The following WASF1 variants were observed in gnomAD, a reference collection of about 807,000 sequenced individuals.
WASF1 encodes actin-binding protein WASF1.
In WASF1, 7 loss-of-function variants were observed where a neutral mutation model predicts 50.5. That is an observed-to-expected ratio of 0.14 (90% CI 0.08 to 0.26). The LOEUF is 0.26. WASF1 is among the 10% of genes least tolerant of loss of function. The pLI, the probability that WASF1 is intolerant of heterozygous loss-of-function variation, is 1.00. For synonymous variants in WASF1, 205 were observed against 244.0 expected, an observed-to-expected ratio of 0.84 and a Z score of 1.49; for missense variants, 470 against 694.7, an observed-to-expected ratio of 0.68 and a Z score of 3.64.
intron 3 of WASF1, among the ~76,000 whole-genome samples, chr6:110,155,616 A>G (rs1321580330): frequency 4.0e-5 from 3 of 75,002 alleles, no homozygotes; most frequent in Non-Finnish European, 7.0e-5. Context: ...GGTTAGTTAC[A>G]TATGTATACA....
At chr6:110,152,125 T>C (rs1043869484) in intron 3 of WASF1, among the ~76,000 whole-genome samples, 1 of 152,090 alleles carries the variant, frequency 6.6e-6, no homozygotes, top group African/African-American at 2.4e-5. Context: ...GACCTTAAAA[T>C]TGGGAGATTA....
At chr6:110,137,909 A>G (rs1302951868) in intron 3 of WASF1, among the ~76,000 whole-genome samples, 1 of 152,258 alleles carries the variant, frequency 6.6e-6, no homozygotes, top group East Asian at 1.9e-4. Flanking sequence ...CTATGTAAGT[A>G]TCACAGGGTC....
At chr6:110,121,118 T>C (rs180918246) in intron 4 of WASF1, among the ~76,000 whole-genome samples, 1 of 152,296 alleles carries the variant, frequency 6.6e-6, no homozygotes, top group East Asian at 1.9e-4. Flanking sequence ...ATTCAGGACA[T>C]AGGCATGGGC....
At chr6:110,179,246 G>T (rs1343741364) in intron 1 of WASF1, among the ~76,000 whole-genome samples, 193 bp downstream of exon 1, 2 of 152,106 alleles carry the variant, frequency 1.3e-5, no homozygotes, top group Non-Finnish European at 2.9e-5. Context: ...ACCCAGCCCC[G>T]CTGGCGGGTG....
rs1218765087 is a variant in WASF1 at position 110,179,140 on chromosome 6, C to G, written c.-272+299G>C. Reference sequence around the variant, plus strand: ...GTGGGCAGGGAAGCCCGGGCGGTGGCACCTCAGGTGACACCCACAGTCTCT... The same window carrying G: ...GTGGGCAGGGAAGCCCGGGCGGTGGGACCTCAGGTGACACCCACAGTCTCT... On this transcript the variant is annotated intron_variant, in intron 1 of 10. Transcript: ENST00000392589. Among the ~76,000 whole-genome samples, 3 of 152,188 alleles carry G rather than the reference C, an allele frequency of 2.0e-5. No individual in the cohort carries two copies. In the South Asian group the frequency reaches 6.2e-4, roughly 31 times the overall value.
At position 110,173,162 on chromosome 6, in the gene WASF1, G is replaced by A. The variant is rs536274571; in HGVS notation, c.-127+5436C>T. On this transcript the variant is annotated intron_variant, in intron 2 of 10. Coordinates refer to ENST00000392589, the MANE Select transcript of WASF1 (RefSeq NM_003931.3). Reference sequence around the variant, plus strand: ...AACACACTTGACTTTTTTGGTAAAGGAATCAAACAAGTTATTCCATGCCCT... The same window carrying A: ...AACACACTTGACTTTTTTGGTAAAGAAATCAAACAAGTTATTCCATGCCCT... Among the ~76,000 whole-genome samples the A allele has an allele frequency of 9.9e-5, 15 of 152,130 alleles. No individual in the cohort carries two copies. In the South Asian group the frequency reaches 2.9e-3, roughly 29 times the overall value.
Position 110,142,952 on chromosome 6 carries a change from T to TAAA in WASF1, c.-28-15326_-28-15324dup, listed in dbSNP as rs5879060. On this transcript the variant is annotated intron_variant, in intron 3 of 10. Coordinates refer to ENST00000392589, the MANE Select transcript of WASF1 (RefSeq NM_003931.3). The stretch of plus-strand genomic sequence containing the variant: ...AAAGTAATTTGGTTTCCCAATGATG[T>TAAA]AAAAAAAAAAAAAAAAAAAAACTAA... 8.4e-3 allele frequency among the ~76,000 whole-genome samples: 1,003 copies of TAAA among 119,094 alleles called. 33 individuals are homozygous for TAAA. The highest frequency in any genetic ancestry group is 0.03 in the African/African-American group (900 of 29,922). 78.1% of individuals were successfully genotyped at this position (119,094 alleles called of 152,430 possible). A position where few individuals can be genotyped will look rare whatever the true frequency, so the allele number is the denominator to read the frequency against.
chr6:110,120,359 A>T (rs1302247649), intron 4 of WASF1, among the ~76,000 whole-genome samples: 1 of 152,210 alleles, frequency 6.6e-6, no homozygotes, highest in Non-Finnish European at 1.5e-5. Context: ...ATACAAAATC[A>T]ATGTGCAAAA....
chr6:110,108,414 G>C, intron 6 of WASF1, 114 bp downstream of exon 6: 3 of 1,056,730 alleles, frequency 2.8e-6, no homozygotes, highest in Non-Finnish European at 2.7e-6. Flanking sequence ...GGTGGACAGA[G>C]AGGGCTCTCT....
chr6:110,144,035 C>T (rs1775405764), intron 3 of WASF1, among the ~76,000 whole-genome samples: 2 of 152,208 alleles, frequency 1.3e-5, no homozygotes, highest in East Asian at 3.9e-4. Flanking sequence ...GAGGAATCAC[C>T]ACACCGACTT....
At chr6:110,172,003 G>A (rs1562192427) in intron 2 of WASF1, among the ~76,000 whole-genome samples, 1 of 152,180 alleles carries the variant, frequency 6.6e-6, no homozygotes, top group Non-Finnish European at 1.5e-5. Flanking sequence ...ACGCCAGTTA[G>A]AATGACAATC....
At chr6:110,155,450 C>A (rs577620306) in intron 3 of WASF1, among the ~76,000 whole-genome samples, 16 of 143,732 alleles carry the variant, frequency 1.1e-4, no homozygotes, top group Admixed American at 7.2e-4. Context: ...GAAAAAAAAT[C>A]TTTTTATACC....
intron 2 of WASF1, among the ~76,000 whole-genome samples, chr6:110,161,585 T>C (rs1562187897): frequency 6.6e-6 from 1 of 151,604 alleles, no homozygotes; most frequent in South Asian, 2.1e-4. Context: ...TATCGCACTG[T>C]ATTATGTTTT....
At chr6:110,158,821 T>C (rs1024775425) in intron 3 of WASF1, among the ~76,000 whole-genome samples, 1 of 151,980 alleles carries the variant, frequency 6.6e-6, no homozygotes, top group Non-Finnish European at 1.5e-5. Context: ...CCTATCTAGC[T>C]CAATCCAATT....
At chr6:110,150,838 C>A (rs1315867245) in intron 3 of WASF1, among the ~76,000 whole-genome samples, 1 of 151,994 alleles carries the variant, frequency 6.6e-6, no homozygotes. Flanking sequence ...GAGTTCGAGA[C>A]CAGCCTGGCT....
intron 2 of WASF1, chr6:110,177,244 A>C (rs1278034032): frequency 6.6e-6 from 1 of 152,034 alleles, no homozygotes. Flanking sequence ...TTCTTCACTA[A>C]CTTAATTCAA....
At chr6:110,177,531 T>A (rs1464178500) in intron 2 of WASF1, among the ~76,000 whole-genome samples, 1 of 152,228 alleles carries the variant, frequency 6.6e-6, no homozygotes, top group East Asian at 1.9e-4. Flanking sequence ...AGATTTAAAT[T>A]TTCTTTAAAA....
chr6:110,124,266 CTCTCTCTCTA>C (rs1774307185), intron 4 of WASF1, among the ~76,000 whole-genome samples: 3 of 62,596 alleles, frequency 4.8e-5, no homozygotes, highest in South Asian at 6.9e-4. Flanking sequence ...CTCTCTCTCT[CTCTCTCTCTA>C]TATATATATA....
In WASF1 at chr6:110,169,223, C is replaced by T. The variant is rs552325019; in HGVS notation, c.-126-8491G>A. Among the ~76,000 whole-genome samples, 72 of 152,254 alleles carry T rather than the reference C, an allele frequency of 4.7e-4. 2 individuals carry two copies. The highest frequency in any genetic ancestry group is 3.4e-3 in the Middle Eastern group (1 of 294). ...CACAAACTTAAACAATCAACCCTAA[C>T]AGTCCTGACAATATATACTCCTGTG... On this transcript the variant is annotated intron_variant, in intron 2 of 10. Coordinates refer to ENST00000392589, the MANE Select transcript of WASF1 (RefSeq NM_003931.3).
Sources: gnomAD v4.1 joint callset for allele counts (sites outside exome capture counted in the v4.1 genomes callset) on GRCh38, gnomAD v4.1.1 for gene constraint, MANE v1.5 for transcripts, NCBI Gene and HGNC (gene_info 2026-07-23, HGNC 2026-07-21) for gene names.